Variants in PEX5L observed in about 807,000 individuals in gnomAD.
PEX5L encodes the protein PEX5-related protein.
PEX5L carries 30 observed loss-of-function variants against 84.0 expected under a neutral mutation model. The ratio of observed to expected loss-of-function variants is 0.36; its 90% CI spans 0.27 to 0.48. The LOEUF (loss-of-function observed/expected upper bound fraction) is 0.48, where lower values mean the gene tolerates loss of function less well. Ranked by LOEUF, PEX5L falls within the 20% of genes least tolerant of loss-of-function variation. PEX5L has a pLI of 0.99. For synonymous variants in PEX5L, 270 were observed against 283.1 expected (o/e 0.95, Z 0.46); for missense variants, 533 against 754.6 (o/e 0.71, Z 3.44).
Position 179,874,391 on chromosome 3 carries a change from C to T in PEX5L, c.662G>A (p.Ser221Asn), listed in dbSNP as rs1577906936. 1 of 1,612,284 alleles carries T rather than the reference C, an allele frequency of 6.2e-7. No homozygotes were observed. Among genetic ancestry groups the T allele is most frequent in the Non-Finnish European group, 8.5e-7 (1 of 1,178,718 alleles). The stretch of plus-strand genomic sequence containing the variant: ...AGAGTTGAGGGCGCTTTTTCCACCA[C>T]TCAGTTCTGGTTGAGATCTGTGTTC... Reference protein sequence around the residue: ...SSEHRSQPELSGGKSALNSES... With the variant: ...SSEHRSQPELNGGKSALNSES... Residue 221 changes from serine (S) to asparagine (N), a missense_variant, in exon 7 of 15, where the codon AGT (serine) becomes AAT (asparagine). Physicochemically the swap from Ser to Asn is conservative, Grantham distance 46. Coordinates refer to ENST00000467460, the MANE Select transcript of PEX5L (RefSeq NM_016559.3).
intron 2 of PEX5L, among the ~76,000 whole-genome samples, chr3:179,937,582 T>G (rs1383970167): frequency 6.6e-6 from 1 of 152,208 alleles, no homozygotes; most frequent in Non-Finnish European, 1.5e-5. Flanking sequence ...GTGTGTTCCC[T>G]AGTTCCAACT....
chr3:180,010,418 A>G (rs959321405), intron 1 of PEX5L, among the ~76,000 whole-genome samples: 1 of 151,940 alleles, frequency 6.6e-6, no homozygotes. Context: ...TGGGTAGACA[A>G]CAGGCATGAA....
chr3:179,839,779 A>C (rs1485951584), intron 8 of PEX5L, among the ~76,000 whole-genome samples: 1 of 152,256 alleles, frequency 6.6e-6, no homozygotes, highest in Non-Finnish European at 1.5e-5. Flanking sequence ...TAATAAAAAT[A>C]CACAAATAAA....
intron 2 of PEX5L, among the ~76,000 whole-genome samples, chr3:179,967,031 G>C (rs1488825629): frequency 6.6e-6 from 1 of 152,226 alleles, no homozygotes; most frequent in Non-Finnish European, 1.5e-5. Flanking sequence ...GGGCTCAAGA[G>C]GGAAGTAAAC....
chr3:180,021,967 A>G (rs1345513489), intron 1 of PEX5L, among the ~76,000 whole-genome samples: 1 of 152,224 alleles, frequency 6.6e-6, no homozygotes, highest in African/African-American at 2.4e-5. Context: ...CTCTTAAAAT[A>G]GAAGATGGGA....
At chr3:180,035,990 T>G (rs553694108) in intron 1 of PEX5L, among the ~76,000 whole-genome samples, 3 of 152,188 alleles carry the variant, frequency 2.0e-5, no homozygotes, top group African/African-American at 7.2e-5. Context: ...AGGCAGCACC[T>G]CCCCTGAAAA....
At chr3:179,861,290 T>A (rs146914079) in intron 7 of PEX5L, among the ~76,000 whole-genome samples, 1,555 of 152,286 alleles carry the variant, frequency 0.01, 31 homozygotes, top group African/African-American at 0.035. Context: ...GTGTTCTCAG[T>A]CAAGGTTCTC....
At chr3:179,972,160 G>T (rs2110257868) in intron 1 of PEX5L, among the ~76,000 whole-genome samples, 1 of 152,178 alleles carries the variant, frequency 6.6e-6, no homozygotes, top group Admixed American at 6.5e-5. Flanking sequence ...TCACAAGTCA[G>T]ATGAATACTG....
intron 3 of PEX5L, among the ~76,000 whole-genome samples, chr3:179,894,026 G>A (rs1156277828): frequency 9.2e-5 from 14 of 151,950 alleles, no homozygotes; most frequent in Non-Finnish European, 1.0e-4. Flanking sequence ...AGCCTCCTGA[G>A]TAGCTGGGAC....
chr3:179,887,540 T>C, intron 4 of PEX5L, 133 bp downstream of exon 4: 1 of 667,934 alleles, frequency 1.5e-6, no homozygotes. Context: ...TTATGCTAAA[T>C]AGTATACATT....
intron 2 of PEX5L, among the ~76,000 whole-genome samples, chr3:179,951,775 T>C (rs1312924376): frequency 6.6e-6 from 1 of 152,176 alleles, no homozygotes; most frequent in African/African-American, 2.4e-5. Flanking sequence ...GTACATAGAG[T>C]GTATACTCTC....
chr3:179,906,883 T>G (rs559841182), intron 2 of PEX5L, among the ~76,000 whole-genome samples: 1 of 148,652 alleles, frequency 6.7e-6, no homozygotes, highest in East Asian at 2.0e-4. Context: ...AAGTAAAGCA[T>G]GAGAATCATT....
At chr3:179,969,327 T>C (rs1784164415) in intron 2 of PEX5L, among the ~76,000 whole-genome samples, 1 of 152,044 alleles carries the variant, frequency 6.6e-6, no homozygotes, top group African/African-American at 2.4e-5. Flanking sequence ...CCTGACAAAA[T>C]GGCATATAAT....
intron 2 of PEX5L, among the ~76,000 whole-genome samples, chr3:179,965,677 T>C (rs1243896881): frequency 2.0e-5 from 3 of 152,198 alleles, no homozygotes; most frequent in African/African-American, 7.2e-5. Flanking sequence ...AGTCCAGTGA[T>C]GCTTAGGAGA....
intron 1 of PEX5L, among the ~76,000 whole-genome samples, chr3:180,000,328 TGGAGGTAA>T (rs1788279936): frequency 1.3e-5 from 2 of 152,124 alleles, no homozygotes; most frequent in Admixed American, 6.5e-5. Flanking sequence ...TACTCCACAA[TGGAGGTAA>T]GGAAGAGTAT....
At chr3:179,936,253 T>C (rs772305288) in intron 2 of PEX5L, among the ~76,000 whole-genome samples, 14 of 152,326 alleles carry the variant, frequency 9.2e-5, no homozygotes, top group Admixed American at 3.3e-4. Flanking sequence ...TCAAGGGTTC[T>C]GGAATCAGGT....
intron 2 of PEX5L, among the ~76,000 whole-genome samples, chr3:179,923,636 G>A (rs1434657919): frequency 6.6e-6 from 1 of 152,180 alleles, no homozygotes; most frequent in Non-Finnish European, 1.5e-5. Context: ...TAAGATCATG[G>A]TTTTGAAATC....
chr3:180,014,205 A>G (rs11713683), intron 1 of PEX5L, among the ~76,000 whole-genome samples: 13,797 of 152,292 alleles, frequency 0.091, 766 homozygotes, highest in South Asian at 0.19. Context: ...CAATTAAGGG[A>G]CAATGTCTAA....
intron 14 of PEX5L, 124 bp downstream of exon 14, chr3:179,807,550 C>T (rs773397341): frequency 1.2e-6 from 1 of 865,870 alleles, no homozygotes; most frequent in African/African-American, 1.7e-5. Flanking sequence ...CCACATTCAC[C>T]CTTAACGGCA....
Sources: gnomAD v4.1 joint callset for allele counts (sites outside exome capture counted in the v4.1 genomes callset) on GRCh38, gnomAD v4.1.1 for gene constraint, MANE v1.5 for transcripts, NCBI Gene and HGNC (gene_info 2026-07-23, HGNC 2026-07-21) for gene names.